The following NPIPB11 variants were observed in gnomAD, a reference collection of about 807,000 sequenced individuals.
NPIPB11 encodes the protein nuclear pore complex interacting protein family member B11.
In NPIPB11, 17 loss-of-function variants were observed where a neutral mutation model predicts 32.8. That is an observed-to-expected ratio of 0.52 (90% CI 0.35 to 0.78). The LOEUF (loss-of-function observed/expected upper bound fraction) is 0.78, where lower values mean the gene tolerates loss of function less well. Among genes scored for constraint, NPIPB11 ranks in the 30% least tolerant of loss-of-function variants. The probability of loss-of-function intolerance (pLI) is 0.01; values close to 1 mark genes in which losing one functional copy is unlikely to be tolerated. For missense variants in NPIPB11, 537 were observed against 1,000.4 expected, an observed-to-expected ratio of 0.54 and a Z score of 6.25; for synonymous variants, 209 against 398.4, an observed-to-expected ratio of 0.52 and a Z score of 5.66.
chr16:29,394,866 C>A (rs991772173), intron 2 of NPIPB11, among the ~76,000 whole-genome samples: 6 of 149,388 alleles, frequency 4.0e-5, no homozygotes, highest in Non-Finnish European at 8.9e-5. Flanking sequence ...CTGCCTCAGC[C>A]TCCTGAGTAG....
At chr16:29,404,111 T>TTA (rs1475619184), upstream of NPIPB11, 447 of 275,116 alleles carry the variant, frequency 1.6e-3, 7 homozygotes, top group African/African-American at 0.02. Flanking sequence ...TTTAAATGTA[T>TTA]CATCATTTCT....
intron 2 of NPIPB11, among the ~76,000 whole-genome samples, chr16:29,399,569 G>A (rs1249347114): frequency 1.3e-5 from 2 of 150,476 alleles, no homozygotes; most frequent in African/African-American, 4.9e-5. Flanking sequence ...TGTGGTGGTG[G>A]GCGCCTTAGT....
exon 8 of NPIPB11, chr16:29,383,181 G>T (rs1963534287): frequency 6.3e-7 from 1 of 1,592,958 alleles, no homozygotes; most frequent in African/African-American, 1.4e-5. Flanking sequence ...CAGATGCTCG[G>T]CAGGTGTCTT....
intron 5 of NPIPB11, among the ~76,000 whole-genome samples, chr16:29,389,501 C>G (rs1271161785): frequency 1.3e-5 from 2 of 148,356 alleles, no homozygotes; most frequent in Non-Finnish European, 1.5e-5. Context: ...TGGTGAAACC[C>G]CATCTCTAGT....
intron 2 of NPIPB11, 83 bp from the exon 3 acceptor site, chr16:29,394,159 T>C: frequency 6.8e-7 from 1 of 1,460,662 alleles, no homozygotes; most frequent in Non-Finnish European, 9.3e-7. Flanking sequence ...TTAGAAACCG[T>C]CAACCTCCTC....
chr16:29,394,074 A>T, exon 3 of NPIPB11: 2 of 1,596,098 alleles, frequency 1.3e-6, no homozygotes, highest in South Asian at 2.2e-5. Flanking sequence ...GAGTATTGAT[A>T]ACCTGGAATA....
chr16:29,399,957 A>C (rs257870), intron 2 of NPIPB11, among the ~76,000 whole-genome samples: 7,207 of 151,314 alleles, frequency 0.048, 405 homozygotes, highest in East Asian at 0.27. Context: ...CCCGCCTGTA[A>C]TCCCAGCTAC....
At chr16:29,390,456 C>T (rs1230309309) in intron 3 of NPIPB11, 108 bp from the exon 4 acceptor site, 2 of 1,549,108 alleles carry the variant, frequency 1.3e-6, no homozygotes, top group East Asian at 2.2e-5. Context: ...GGAGCAAGAC[C>T]AGCCTGGCCA....
Position 29,383,207 on chromosome 16 carries a change from T to C in NPIPB11, c.1725A>G (p.Ser575=). The change falls in exon 8 of 8, where the codon TCA becomes TCG. Residue 575 remains serine (S), a synonymous_variant. Coordinates refer to ENST00000524087, the Ensembl canonical transcript of NPIPB11. Reference sequence around the variant, plus strand: ...CAGGTGTCTTGATATTATCATCTGCTGAGGGTGGAGCTGAGGGTGGAAGGG... The same window carrying C: ...CAGGTGTCTTGATATTATCATCTGCCGAGGGTGGAGCTGAGGGTGGAAGGG... 3 of 1,566,184 alleles carry C rather than the reference T, an allele frequency of 1.9e-6. No homozygotes were observed. In the South Asian group the frequency reaches 3.4e-5, roughly 18 times the overall value.
At chr16:29,384,059 A>C in exon 8 of NPIPB11, 1 of 1,177,964 alleles carries the variant, frequency 8.5e-7, no homozygotes, top group South Asian at 1.3e-5. Flanking sequence ...GTGGAAGGGG[A>C]GTGAGCAGAC....
chr16:29,395,656 CAAAT>C (rs1963834976), intron 2 of NPIPB11, among the ~76,000 whole-genome samples: 1 of 145,082 alleles, frequency 6.9e-6, no homozygotes, highest in Non-Finnish European at 1.5e-5. Flanking sequence ...ACTTCATTCA[CAAAT>C]AAGTATCAAA....
In NPIPB11 at chr16:29,402,724, C is replaced by CTCTCTCTGTGTG. The variant is rs1449821025; in HGVS notation, c.120+958_120+959insCACACAGAGAGA. 2.5e-3 allele frequency among the ~76,000 whole-genome samples: 301 copies of CTCTCTCTGTGTG among 119,664 alleles called. 2 individuals carry two copies. The highest frequency in any genetic ancestry group is 9.0e-3 in the Middle Eastern group (2 of 222). The allele number at this position is 119,664 out of a possible 152,430, so 78.5% of individuals were successfully genotyped here. A position where few individuals can be genotyped will look rare whatever the true frequency, so the allele number is the denominator to read the frequency against. ...TCTCTCTCTCTCTCTCTCTCTCTCT[C>CTCTCTCTGTGTG]TGTGTGTGTGTGTGTGTGTGTGTGT... is the stretch of plus-strand genomic sequence containing the variant. On this transcript the variant is annotated intron_variant, in intron 2 of 7. Transcript: ENST00000524087.
At chr16:29,392,018 G>T (rs925471406) in intron 3 of NPIPB11, among the ~76,000 whole-genome samples, 1 of 151,986 alleles carries the variant, frequency 6.6e-6, no homozygotes, top group Non-Finnish European at 1.5e-5. Context: ...ACCACACCTG[G>T]CCTGAAATAA....
exon 3 of NPIPB11, chr16:29,393,996 A>C: frequency 1.3e-6 from 2 of 1,599,514 alleles, no homozygotes; most frequent in African/African-American, 2.7e-5. Flanking sequence ...AACTTGTCGG[A>C]AACGCAATAA....
chr16:29,397,297 C>T (rs1165681440), intron 2 of NPIPB11, among the ~76,000 whole-genome samples: 1 of 151,992 alleles, frequency 6.6e-6, no homozygotes, highest in East Asian at 1.9e-4. Flanking sequence ...ACGTCCAGCT[C>T]CTGGGCCCAA....
At chr16:29,394,415 C>G (rs1353310242) in intron 2 of NPIPB11, among the ~76,000 whole-genome samples, 2 of 60,374 alleles carry the variant, frequency 3.3e-5, no homozygotes, top group Admixed American at 1.5e-4. Flanking sequence ...AGCTGATGAT[C>G]TAAAAAAAAA....
At chr16:29,389,400 G>T in intron 5 of NPIPB11, among the ~76,000 whole-genome samples, 1 of 139,926 alleles carries the variant, frequency 7.1e-6, no homozygotes, top group Non-Finnish European at 1.5e-5. Context: ...AAGGCTGGCT[G>T]TGGTGGCTCA....
intron 2 of NPIPB11, among the ~76,000 whole-genome samples, chr16:29,396,694 GA>G (rs1249012939): frequency 6.6e-6 from 1 of 151,636 alleles, no homozygotes; most frequent in Admixed American, 6.6e-5. Flanking sequence ...CTGGGAAGCA[GA>G]GGTTGCGGTG....
At chr16:29,389,749 A>G (rs1391030538) in intron 5 of NPIPB11, among the ~76,000 whole-genome samples, 192 bp downstream of exon 5, 2 of 151,208 alleles carry the variant, frequency 1.3e-5, no homozygotes, top group African/African-American at 2.4e-5. Flanking sequence ...CCCCGAAAAA[A>G]TTACAAACAA....
Sources: allele counts gnomAD v4.1 joint callset (sites outside exome capture counted in the v4.1 genomes callset), GRCh38; gene constraint gnomAD v4.1.1; transcripts MANE v1.5; gene names NCBI Gene and HGNC (gene_info 2026-07-23, HGNC 2026-07-21).